Variants in CCDC138 observed in about 807,000 individuals in gnomAD.
CCDC138 encodes the protein coiled-coil domain-containing protein 138.
Under a neutral mutation model 82.3 loss-of-function variants are expected in CCDC138, and 66 were observed. The ratio of observed to expected loss-of-function variants is 0.80; its 90% CI spans 0.66 to 0.98. The LOEUF (loss-of-function observed/expected upper bound fraction) is 0.98. Ranked by LOEUF, CCDC138 falls within the 50% of genes least tolerant of loss-of-function variation. The pLI, the probability that CCDC138 is intolerant of heterozygous loss-of-function variation, is 0.00. For missense variants in CCDC138, 816 were observed against 758.9 expected (o/e 1.08, Z -0.88); for synonymous variants, 297 against 265.4 (o/e 1.12, Z -1.16).
At chr2:108,836,643 C>T (rs559538094) in intron 10 of CCDC138, among the ~76,000 whole-genome samples, 1 of 152,244 alleles carries the variant, frequency 6.6e-6, no homozygotes, top group East Asian at 1.9e-4. Context: ...ATCTGTAGAT[C>T]GCTTTGGGTA....
At chr2:108,816,199 C>A in intron 10 of CCDC138, 94 bp downstream of exon 10, 1 of 943,330 alleles carries the variant, frequency 1.1e-6, no homozygotes, top group Non-Finnish European at 1.6e-6. Flanking sequence ...GTCTATAATC[C>A]CATCACTTTG....
intron 7 of CCDC138, among the ~76,000 whole-genome samples, chr2:108,809,448 TTGTGTGTGTGTGTGTGTGTGTGTGTG>T (rs56122981): frequency 2.8e-5 from 4 of 141,138 alleles, no homozygotes; most frequent in African/African-American, 7.8e-5. Flanking sequence ...ACATGAAATG[TTGTGTGTGTGTGTGTGTGTGTGTGTG>T]TGTGTGTGTG....
chr2:108,854,559 G>A (rs1029455450), intron 12 of CCDC138, among the ~76,000 whole-genome samples: 2 of 152,092 alleles, frequency 1.3e-5, no homozygotes, highest in African/African-American at 4.8e-5. Flanking sequence ...TCAGAATTGA[G>A]GTCTGTTAGA....
At chr2:108,878,037 C>T (rs775936333), downstream of CCDC138, among the ~76,000 whole-genome samples, 2 of 152,024 alleles carry the variant, frequency 1.3e-5, no homozygotes, top group Non-Finnish European at 2.9e-5. Context: ...GACATTCAGG[C>T]GTTGAGAAAT....
intron 10 of CCDC138, among the ~76,000 whole-genome samples, chr2:108,838,976 A>T (rs1342593016): frequency 6.6e-6 from 1 of 152,164 alleles, no homozygotes; most frequent in Non-Finnish European, 1.5e-5. Flanking sequence ...ATGTGCTGTT[A>T]TTGCTGGATG....
At chr2:108,878,983 A>C (rs1055430030), downstream of CCDC138, among the ~76,000 whole-genome samples, 1 of 152,238 alleles carries the variant, frequency 6.6e-6, no homozygotes, top group African/African-American at 2.4e-5. Context: ...ATGTGAACAA[A>C]AATATTTAGG....
chr2:108,825,362 T>G (rs1407406889), intron 10 of CCDC138, among the ~76,000 whole-genome samples: 1 of 152,144 alleles, frequency 6.6e-6, no homozygotes, highest in Non-Finnish European at 1.5e-5. Flanking sequence ...TCAGTGTTTT[T>G]TTTTCTTTAT....
downstream of CCDC138, among the ~76,000 whole-genome samples, chr2:108,880,200 AAAAC>A (rs1467485743): frequency 3.5e-4 from 43 of 122,710 alleles, no homozygotes; most frequent in African/African-American, 1.1e-3. Flanking sequence ...TTAAAAAAAA[AAAAC>A]AACAACAAAC....
In CCDC138 at chr2:108,861,472, C is replaced by CTTT. The variant is rs201132350; in HGVS notation, c.1693+4526_1693+4528dup. 2.1e-3 allele frequency among the ~76,000 whole-genome samples: 254 copies of CTTT among 123,470 alleles called. 68 individuals are homozygous for CTTT. Among genetic ancestry groups the CTTT allele is most frequent in the African/African-American group, 9.4e-3 (244 of 25,834 alleles). The allele number at this position is 123,470 out of a possible 152,430, so 81.0% of individuals were successfully genotyped here. On this transcript the variant is annotated intron_variant, in intron 13 of 14. Coordinates refer to ENST00000295124, the MANE Select transcript of CCDC138 (RefSeq NM_144978.3). ...ACATTTAGCACTATAAACTTTCTTCCTTTTTTTTTTTTTTTTTTTTTTTTT... is the reference window on the plus strand; with the variant it reads ...ACATTTAGCACTATAAACTTTCTTCCTTTTTTTTTTTTTTTTTTTTTTTTTTTT...
At chr2:108,793,355 C>CA (rs1395907080) in intron 4 of CCDC138, among the ~76,000 whole-genome samples, 1 of 151,780 alleles carries the variant, frequency 6.6e-6, no homozygotes, top group East Asian at 2.0e-4. Flanking sequence ...AAAACAACAA[C>CA]AAAAAAACAC....
At chr2:108,787,177 G>C (rs1028959461) in intron 1 of CCDC138, among the ~76,000 whole-genome samples, 1 of 152,198 alleles carries the variant, frequency 6.6e-6, no homozygotes, top group African/African-American at 2.4e-5. Flanking sequence ...GTGCTATTCA[G>C]CTTTTTTTTG....
At chr2:108,814,792 C>T (rs1684478834) in intron 9 of CCDC138, among the ~76,000 whole-genome samples, 1 of 151,416 alleles carries the variant, frequency 6.6e-6, no homozygotes, top group African/African-American at 2.4e-5. Context: ...CCCACCACCA[C>T]GCCTGGCTAA....
At chr2:108,795,007 A>G in intron 5 of CCDC138, among the ~76,000 whole-genome samples, 1 of 151,900 alleles carries the variant, frequency 6.6e-6, no homozygotes, top group Non-Finnish European at 1.5e-5. Context: ...AAAATCTGAT[A>G]AAGTATGGTT....
At chr2:108,863,904 A>G (rs1031665862) in intron 13 of CCDC138, among the ~76,000 whole-genome samples, 4 of 152,228 alleles carry the variant, frequency 2.6e-5, no homozygotes, top group African/African-American at 7.2e-5. Flanking sequence ...TATATTTGCT[A>G]CTGGTCTCTG....
intron 12 of CCDC138, among the ~76,000 whole-genome samples, chr2:108,854,028 AT>A (rs1692163136): frequency 9.2e-6 from 1 of 109,090 alleles, no homozygotes; most frequent in Non-Finnish European, 1.8e-5. Flanking sequence ...ATAAATTTAT[AT>A]TATATATAAT....
At chr2:108,865,116 A>G (rs1384258739) in intron 13 of CCDC138, among the ~76,000 whole-genome samples, 4 of 152,048 alleles carry the variant, frequency 2.6e-5, no homozygotes, top group African/African-American at 4.8e-5. Context: ...TTTTTATCAC[A>G]GGAATGCTAC....
intron 7 of CCDC138, among the ~76,000 whole-genome samples, chr2:108,807,227 T>C (rs1683020419): frequency 6.6e-6 from 1 of 152,162 alleles, no homozygotes; most frequent in African/African-American, 2.4e-5. Context: ...TTCAAGAAAG[T>C]AGAAAAATAG....
At chr2:108,858,942 C>A (rs775046331) in intron 13 of CCDC138, among the ~76,000 whole-genome samples, 11 of 152,246 alleles carry the variant, frequency 7.2e-5, no homozygotes, top group Non-Finnish European at 1.2e-4. Flanking sequence ...TAGGTTGATT[C>A]CACATCTTTG....
In CCDC138 at chr2:108,806,443, G is replaced by T. The variant is rs1682894185; in HGVS notation, c.855+1435G>T. 2.0e-5 allele frequency among the ~76,000 whole-genome samples: 3 copies of T among 152,178 alleles called. No homozygotes were observed. The South Asian group carries it at 6.2e-4, about 32-fold the overall frequency. On this transcript the variant is annotated intron_variant, in intron 7 of 14. Coordinates refer to ENST00000295124, the MANE Select transcript of CCDC138 (RefSeq NM_144978.3). The stretch of plus-strand genomic sequence containing the variant: ...GATAATTGGATTTATGAGCTAATGT[G>T]TACAAACTGAAAAAATTTGGCAGAA...
Sources: gnomAD v4.1 joint callset for allele counts (sites outside exome capture counted in the v4.1 genomes callset) on GRCh38, gnomAD v4.1.1 for gene constraint, MANE v1.5 for transcripts, NCBI Gene and HGNC (gene_info 2026-07-23, HGNC 2026-07-21) for gene names.